The following ITGB2 variants were observed in gnomAD, a reference collection of about 807,000 sequenced individuals.
ITGB2 encodes integrin subunit beta 2.
Under a neutral mutation model 86.8 loss-of-function variants are expected in ITGB2, and 56 were observed. The observed-to-expected ratio is 0.65, with a 90% CI of 0.52 to 0.81. ITGB2 has a LOEUF of 0.81. Ranked by LOEUF, ITGB2 falls within the 30% of genes least tolerant of loss-of-function variation. The probability of loss-of-function intolerance (pLI) is 0.00; values close to 1 mark genes in which losing one functional copy is unlikely to be tolerated. For synonymous variants in ITGB2, 457 were observed against 450.4 expected (o/e 1.01, Z -0.19); for missense variants, 948 against 1,061.2 (o/e 0.89, Z 1.48).
At chr21:44,914,932 C>A (rs1216029081) in intron 1 of ITGB2, among the ~76,000 whole-genome samples, 1 of 146,640 alleles carries the variant, frequency 6.8e-6, no homozygotes, top group African/African-American at 2.5e-5. Context: ...GGCCCTGTCT[C>A]AAAAAAAAAA....
At position 44,893,527 on chromosome 21, in the gene ITGB2, G is replaced by T. The variant is rs2230529; in HGVS notation, c.1101C>A (p.Val367=). 0.24 allele frequency: 388,801 copies of T among 1,613,646 alleles called. 48,887 individuals carry two copies. Among genetic ancestry groups the T allele is most frequent in the Middle Eastern group, 0.39 (2,391 of 6,060 alleles). Residue 367 remains valine, a synonymous_variant, in exon 10 of 16, where the codon GTC becomes GTA. Transcript: ENST00000652462. ...CGGGGAGGGCGTTGTGATCCAGGAAGACCCTGGAGGAGAGTTTCTGCGGGC... is the reference window on the plus strand; with the variant it reads ...CGGGGAGGGCGTTGTGATCCAGGAATACCCTGGAGGAGAGTTTCTGCGGGC... ...KNAYNKLSSR[V]FLDHNALPDT...
At chr21:44,893,103 C>T (rs2083814405) in intron 10 of ITGB2, 1 of 371,996 alleles carries the variant, frequency 2.7e-6, no homozygotes, top group Admixed American at 3.7e-5. Flanking sequence ...GAGAAGCACC[C>T]TCTCGGCACC....
intron 8 of ITGB2, 34 bp from the exon 9 acceptor site, chr21:44,895,094 A>G: frequency 6.7e-7 from 1 of 1,495,802 alleles, no homozygotes; most frequent in Non-Finnish European, 9.3e-7. Flanking sequence ...TGGCACGGCT[A>G]GGACCTGTGC....
chr21:44,907,865 G>A (rs1354513457), intron 3 of ITGB2: 7 of 589,392 alleles, frequency 1.2e-5, no homozygotes, highest in African/African-American at 1.1e-4. Context: ...TCTTTGTAGG[G>A]CTCTGACTTT....
chr21:44,909,173 C>G (rs974375219), intron 3 of ITGB2: 4 of 152,272 alleles, frequency 2.6e-5, no homozygotes, highest in Admixed American at 6.5e-5. Context: ...CCCACAGTGG[C>G]TGCGAGGGGA....
intron 5 of ITGB2, among the ~76,000 whole-genome samples, chr21:44,902,987 C>T (rs1179978534): frequency 2.0e-5 from 3 of 152,232 alleles, no homozygotes; most frequent in Non-Finnish European, 4.4e-5. Flanking sequence ...CTTGGCCCAG[C>T]AGAGCTTGCT....
At position 44,889,071 on chromosome 21, in the gene ITGB2, T is replaced by C. The variant is rs79060910; in HGVS notation, c.1878-176A>G. 3,454 of 704,598 alleles carry C rather than the reference T, an allele frequency of 4.9e-3. 95 individuals carry two copies. The African/African-American group carries it at 0.054, about 11-fold the overall frequency. The allele number at this position is 704,598 out of a possible 1,614,324, so 43.6% of individuals were successfully genotyped here. The stretch of plus-strand genomic sequence containing the variant: ...TGCAGCGGGTGAACTGGAAGCCTGA[T>C]CCCAGGGCCCGCGGCAGGTGCGCAC... On this transcript the variant is annotated intron_variant, in intron 13 of 15. Transcript: ENST00000652462.
At chr21:44,915,558 C>A (rs2084196867) in intron 1 of ITGB2, among the ~76,000 whole-genome samples, 1 of 152,242 alleles carries the variant, frequency 6.6e-6, no homozygotes, top group African/African-American at 2.4e-5. Context: ...TGGGAGCCAA[C>A]CCCTGCGCTG....
intron 1 of ITGB2, among the ~76,000 whole-genome samples, chr21:44,916,013 C>G (rs1304797580): frequency 6.6e-6 from 1 of 151,982 alleles, no homozygotes; most frequent in African/African-American, 2.4e-5. Flanking sequence ...ACCTCCGCCT[C>G]CCATGTTCAA....
chr21:44,903,416 C>T lies in ITGB2; in HGVS notation c.448G>A (p.Gly150Ser). The change falls in exon 5 of 16, where the codon GGT becomes AGT. Residue 150 changes from glycine to serine, a missense_variant. Physicochemically the swap from Gly to Ser is moderately conservative, Grantham distance 56. Coordinates refer to ENST00000652462, the MANE Select transcript of ITGB2 (RefSeq NM_000211.5). ...LDDLRNVKKL[G>S]GDLLRALNEI... ...TTGAGGGCCCGGAGCAGGTCGCCAC[C>T]TAGCTTCTTGACATTCCTGAGGTCA... The T allele has an allele frequency of 1.2e-6, 2 of 1,614,116 alleles. No homozygotes were observed. Among genetic ancestry groups the T allele is most frequent in the African/African-American group, 2.7e-5 (2 of 75,038 alleles).
At chr21:44,893,108 G>A (rs1022910476) in intron 10 of ITGB2, 1 of 375,534 alleles carries the variant, frequency 2.7e-6, no homozygotes, top group South Asian at 2.2e-5. Flanking sequence ...GCACCCTCTC[G>A]GCACCCTCTC....
chr21:44,902,975 C>T (rs2083987900), intron 5 of ITGB2, among the ~76,000 whole-genome samples: 2 of 151,920 alleles, frequency 1.3e-5, no homozygotes, highest in African/African-American at 4.8e-5. Flanking sequence ...TAGAGCGGAG[C>T]CCTTGGCCCA....
chr21:44,891,790 G>C lies in ITGB2; in HGVS notation c.1412+19C>G. 6.2e-7 allele frequency: 1 copy of C among 1,600,524 alleles called. No individual in the cohort carries two copies. The highest frequency in any genetic ancestry group is 1.1e-5 in the South Asian group (1 of 91,044). On this transcript the variant is annotated intron_variant, in intron 11 of 15. Coordinates refer to ENST00000652462, the MANE Select transcript of ITGB2 (RefSeq NM_000211.5). ...GTGGGGCTCGGGGATGGTTCAACAG[G>C]GACCTGCGCCCGCCTCACCTGCAGA...
chr21:44,904,751 A>G (rs1294540860), intron 4 of ITGB2, among the ~76,000 whole-genome samples: 1 of 151,650 alleles, frequency 6.6e-6, no homozygotes, highest in Admixed American at 6.6e-5. Flanking sequence ...ACACACATGC[A>G]TTCACACCCA....
intron 3 of ITGB2, among the ~76,000 whole-genome samples, chr21:44,909,669 C>T (rs1050265629): frequency 2.5e-4 from 38 of 152,056 alleles, no homozygotes; most frequent in African/African-American, 8.5e-4. Context: ...AATATGCTCA[C>T]GAAGACATCA....
chr21:44,896,202 A>G (rs2083868749), intron 8 of ITGB2, among the ~76,000 whole-genome samples: 1 of 152,222 alleles, frequency 6.6e-6, no homozygotes, highest in Non-Finnish European at 1.5e-5. Flanking sequence ...GAGGACGTGC[A>G]TGGTGGCCAG....
chr21:44,894,589 G>T (rs547403681), intron 9 of ITGB2: 202 of 342,698 alleles, frequency 5.9e-4, no homozygotes, highest in South Asian at 4.8e-3. Context: ...CACCCCCCAG[G>T]GTGTCTTCCC....
intron 8 of ITGB2, among the ~76,000 whole-genome samples, chr21:44,896,725 G>A (rs3788142): frequency 0.19 from 28,939 of 151,510 alleles, 3,043 homozygotes; most frequent in Middle Eastern, 0.33. Context: ...AAACACACTC[G>A]GAGGGGGCGT....
chr21:44,905,401 G>A (rs868066345), intron 4 of ITGB2, among the ~76,000 whole-genome samples: 2 of 152,096 alleles, frequency 1.3e-5, no homozygotes, highest in South Asian at 2.1e-4. Context: ...ATGCCAGGCC[G>A]TGGGCAGCCA....
Sources: gnomAD v4.1 joint callset for allele counts (sites outside exome capture counted in the v4.1 genomes callset) on GRCh38, gnomAD v4.1.1 for gene constraint, MANE v1.5 for transcripts, NCBI Gene and HGNC (gene_info 2026-07-23, HGNC 2026-07-21) for gene names.